The following PTPRN2 variants were observed in gnomAD, a reference collection of about 807,000 sequenced individuals.
PTPRN2 encodes the protein receptor-type tyrosine-protein phosphatase N2.
In PTPRN2, 74 loss-of-function variants were observed where a neutral mutation model predicts 118.8. The observed-to-expected ratio is 0.62, with a 90% CI of 0.52 to 0.76. The LOEUF is 0.76. PTPRN2 is among the 30% of genes least tolerant of loss of function. The probability of loss-of-function intolerance (pLI) is 0.00; values close to 1 mark genes in which losing one functional copy is unlikely to be tolerated. For missense variants in PTPRN2, 1,481 were observed against 1,394.4 expected, an observed-to-expected ratio of 1.06 and a Z score of -0.99; for synonymous variants, 641 against 608.0, an observed-to-expected ratio of 1.05 and a Z score of -0.80.
intron 13 of PTPRN2, among the ~76,000 whole-genome samples, chr7:157,679,170 A>G (rs1796804293): frequency 6.6e-6 from 1 of 152,248 alleles, no homozygotes; most frequent in Non-Finnish European, 1.5e-5. Context: ...ATAAAAGTCA[A>G]TAAAATTGGA....
intron 3 of PTPRN2, among the ~76,000 whole-genome samples, chr7:158,286,334 G>A (rs1000733302): frequency 4.6e-5 from 7 of 152,302 alleles, no homozygotes; most frequent in African/African-American, 1.7e-4. Flanking sequence ...CAATTTGGAT[G>A]CCTTTTGTTT....
intron 11 of PTPRN2, among the ~76,000 whole-genome samples, chr7:158,080,941 T>C (rs1309582069): frequency 6.6e-6 from 1 of 152,200 alleles, no homozygotes; most frequent in African/African-American, 2.4e-5. Flanking sequence ...CTGCACACAC[T>C]GGGATTACTA....
chr7:158,256,825 C>CA (rs1327272913), intron 3 of PTPRN2, among the ~76,000 whole-genome samples: 2 of 151,904 alleles, frequency 1.3e-5, no homozygotes, highest in African/African-American at 2.4e-5. Context: ...GTATTTTTCC[C>CA]AAAAAATATA....
chr7:157,577,058 CCTA>C (rs1343758551), intron 18 of PTPRN2, among the ~76,000 whole-genome samples: 1 of 152,212 alleles, frequency 6.6e-6, no homozygotes, highest in African/African-American at 2.4e-5. Flanking sequence ...CCAAAACTAT[CCTA>C]CTTTCTGTCT....
intron 11 of PTPRN2, among the ~76,000 whole-genome samples, chr7:158,034,251 C>A (rs139382899): frequency 6.8e-6 from 1 of 146,944 alleles, no homozygotes; most frequent in Non-Finnish European, 1.5e-5. Flanking sequence ...TGCTGAGGCC[C>A]GGGCAAGCAT....
chr7:158,033,857 T>C (rs1347229838), intron 11 of PTPRN2, among the ~76,000 whole-genome samples: 2 of 145,802 alleles, frequency 1.4e-5, no homozygotes, highest in Non-Finnish European at 3.0e-5. Flanking sequence ...TGAGCATCCC[T>C]AGTCAGCAAT....
At chr7:158,538,914 G>T (rs80006602) in intron 1 of PTPRN2, among the ~76,000 whole-genome samples, 6 of 152,252 alleles carry the variant, frequency 3.9e-5, no homozygotes, top group African/African-American at 7.2e-5. Context: ...GTGGGCAGGG[G>T]GTGGTCTGAC....
intron 6 of PTPRN2, among the ~76,000 whole-genome samples, chr7:158,146,778 T>C (rs1361086797): frequency 6.7e-6 from 1 of 149,676 alleles, no homozygotes; most frequent in Non-Finnish European, 1.5e-5. Flanking sequence ...CTTCATTTTC[T>C]TGAGGGCTAC....
At chr7:158,078,306 G>A (rs1812534816) in intron 11 of PTPRN2, among the ~76,000 whole-genome samples, 1 of 152,214 alleles carries the variant, frequency 6.6e-6, no homozygotes, top group Non-Finnish European at 1.5e-5. Flanking sequence ...CCAGACGCCA[G>A]CAGCCATTGG....
At chr7:157,738,594 CAT>C (rs1800442740) in intron 12 of PTPRN2, among the ~76,000 whole-genome samples, 1 of 152,176 alleles carries the variant, frequency 6.6e-6, no homozygotes, top group Non-Finnish European at 1.5e-5. Context: ...GGACAAAATC[CAT>C]GTTTTTTCAT....
intron 11 of PTPRN2, among the ~76,000 whole-genome samples, chr7:157,965,126 G>A (rs1445211358): frequency 6.6e-6 from 1 of 152,206 alleles, no homozygotes; most frequent in Non-Finnish European, 1.5e-5. Flanking sequence ...TATGGAGGTA[G>A]ATTTGTGGGA....
At chr7:157,679,854 T>C (rs1406618140) in intron 13 of PTPRN2, among the ~76,000 whole-genome samples, 1 of 152,172 alleles carries the variant, frequency 6.6e-6, no homozygotes, top group East Asian at 1.9e-4. Flanking sequence ...ACCCAGCTGC[T>C]GTTTAACAGA....
intron 11 of PTPRN2, among the ~76,000 whole-genome samples, chr7:158,033,527 A>G (rs950027623): frequency 4.6e-5 from 7 of 152,228 alleles, no homozygotes; most frequent in African/African-American, 1.4e-4. Flanking sequence ...AAGACCAACA[A>G]TGTGATGGGT....
chr7:157,680,366 C>T (rs903493940), intron 13 of PTPRN2, among the ~76,000 whole-genome samples: 2 of 124,722 alleles, frequency 1.6e-5, no homozygotes, highest in South Asian at 4.3e-4. Flanking sequence ...TTTATGTTTG[C>T]AATATTTTAA....
chr7:157,725,324 C>G (rs1217708294), intron 12 of PTPRN2, among the ~76,000 whole-genome samples: 15 of 91,774 alleles, frequency 1.6e-4, no homozygotes, highest in African/African-American at 6.2e-4. Flanking sequence ...GCCAGACCCT[C>G]GCCTCCCAGG....
chr7:158,515,379 G>A (rs1823473902), intron 1 of PTPRN2, among the ~76,000 whole-genome samples: 1 of 151,972 alleles, frequency 6.6e-6, no homozygotes, highest in Non-Finnish European at 1.5e-5. Context: ...TAGAGATGGG[G>A]TTTCTCCATG....
At chr7:158,171,316 T>TATATATATATATATATACATAC (rs1823663253) in intron 5 of PTPRN2, among the ~76,000 whole-genome samples, 1 of 92,062 alleles carries the variant, frequency 1.1e-5, no homozygotes, top group African/African-American at 4.7e-5. Flanking sequence ...CACATATATA[T>TATATATATATATATATACATAC]ATATATATAT....
intron 11 of PTPRN2, among the ~76,000 whole-genome samples, chr7:158,006,164 G>A (rs560515718): frequency 2.0e-5 from 3 of 152,224 alleles, no homozygotes; most frequent in East Asian, 3.9e-4. Context: ...ACCAACTTAC[G>A]GAGTTTTGCA....
chr7:157,716,057 G>A (rs534520930), intron 12 of PTPRN2, among the ~76,000 whole-genome samples: 3 of 152,356 alleles, frequency 2.0e-5, no homozygotes, highest in East Asian at 3.9e-4. Flanking sequence ...AGAAGCCCAC[G>A]TGGGACATGG....
Sources: allele counts gnomAD v4.1 joint callset (sites outside exome capture counted in the v4.1 genomes callset), GRCh38; gene constraint gnomAD v4.1.1; transcripts MANE v1.5; gene names NCBI Gene and HGNC (gene_info 2026-07-23, HGNC 2026-07-21).